Variants in GMDS observed in about 807,000 individuals in gnomAD.
GMDS encodes the protein GDP-mannose 4,6 dehydratase.
A neutral mutation model predicts 49.9 loss-of-function variants in GMDS; 20 were observed. The ratio of observed to expected loss-of-function variants is 0.40; its 90% CI spans 0.28 to 0.58. GMDS has a LOEUF of 0.58. GMDS is among the 20% of genes least tolerant of loss of function. The pLI, the probability that GMDS is intolerant of heterozygous loss-of-function variation, is 0.42. For missense variants in GMDS, 362 were observed against 481.4 expected (o/e 0.75, Z 2.32); for synonymous variants, 177 against 178.6 (o/e 0.99, Z 0.07).
chr6:1,649,008 A>G (rs997831379), intron 9 of GMDS, among the ~76,000 whole-genome samples: 3 of 152,238 alleles, frequency 2.0e-5, no homozygotes, highest in Non-Finnish European at 4.4e-5. Context: ...ATTCACATTT[A>G]CACACATATA....
intron 1 of GMDS, among the ~76,000 whole-genome samples, chr6:2,237,584 T>C (rs537933231): frequency 7.7e-4 from 116 of 150,010 alleles, no homozygotes; most frequent in African/African-American, 2.8e-3. Flanking sequence ...TACAGTGGTA[T>C]GATCTCGGCT....
At chr6:2,089,171 T>C (rs996425328) in intron 4 of GMDS, among the ~76,000 whole-genome samples, 1 of 152,210 alleles carries the variant, frequency 6.6e-6, no homozygotes, top group Non-Finnish European at 1.5e-5. Context: ...CAGCTTCCAA[T>C]ACTTTTTAGT....
At chr6:1,988,276 T>C (rs563814930) in intron 4 of GMDS, among the ~76,000 whole-genome samples, 2 of 152,266 alleles carry the variant, frequency 1.3e-5, no homozygotes, top group African/African-American at 4.8e-5. Context: ...TATTTTCTCT[T>C]AGATACAATA....
chr6:1,813,236 A>C (rs924884654), intron 7 of GMDS, among the ~76,000 whole-genome samples: 3 of 151,240 alleles, frequency 2.0e-5, no homozygotes, highest in African/African-American at 7.3e-5. Flanking sequence ...AAAAAAAAAA[A>C]AAAAAAAAAA....
At chr6:1,786,421 C>T (rs554825607) in intron 7 of GMDS, among the ~76,000 whole-genome samples, 2 of 152,086 alleles carry the variant, frequency 1.3e-5, no homozygotes, top group Non-Finnish European at 2.9e-5. Flanking sequence ...AGTGGGACTC[C>T]AGTCTCTGGG....
At chr6:1,974,190 C>G (rs1764770282) in intron 4 of GMDS, among the ~76,000 whole-genome samples, 2 of 150,876 alleles carry the variant, frequency 1.3e-5, no homozygotes, top group South Asian at 2.1e-4. Flanking sequence ...TGTAAAAGAG[C>G]CTTTTTAAAA....
Position 2,011,795 on chromosome 6 carries a change from T to G in GMDS, c.346-50829A>C, listed in dbSNP as rs143727554. Among the ~76,000 whole-genome samples, 988 of 152,264 alleles carry G rather than the reference T, an allele frequency of 6.5e-3. 11 individuals carry two copies. The highest frequency in any genetic ancestry group is 0.023 in the African/African-American group (945 of 41,570). ...AAATTAGCTAAGCGTGGTCGCGCAT[T>G]ACCTATAGTCCTGGCTACGTGGGAG... On this transcript the variant is annotated intron_variant, in intron 4 of 10. Coordinates refer to ENST00000380815, the MANE Select transcript of GMDS (RefSeq NM_001500.4).
chr6:2,039,962 T>G (rs1172269042), intron 4 of GMDS, among the ~76,000 whole-genome samples: 1 of 152,252 alleles, frequency 6.6e-6, no homozygotes, highest in African/African-American at 2.4e-5. Flanking sequence ...TAGGTTTGTT[T>G]ACACCAGCGT....
At chr6:1,674,921 CATTGTTTTAA>C (rs1764566699) in intron 9 of GMDS, among the ~76,000 whole-genome samples, 3 of 151,666 alleles carry the variant, frequency 2.0e-5, no homozygotes. Context: ...ATGTAAATTA[CATTGTTTTAA>C]ATTTCTTTCT....
chr6:1,876,170 C>T (rs1414148445), intron 7 of GMDS, among the ~76,000 whole-genome samples: 32 of 150,160 alleles, frequency 2.1e-4, no homozygotes, highest in Admixed American at 2.1e-3. Flanking sequence ...AGGCAGGAGA[C>T]TCGCTTGAAC....
intron 4 of GMDS, among the ~76,000 whole-genome samples, chr6:1,998,366 G>A (rs1032563008): frequency 1.3e-5 from 2 of 151,980 alleles, no homozygotes; most frequent in Admixed American, 6.6e-5. Flanking sequence ...AAGTCACTAT[G>A]AGCTCCCTAG....
chr6:2,242,032 A>G (rs1781638418), intron 1 of GMDS, among the ~76,000 whole-genome samples: 1 of 152,260 alleles, frequency 6.6e-6, no homozygotes, highest in Non-Finnish European at 1.5e-5. Context: ...TCTATCTTAA[A>G]GTAGTTCATA....
chr6:2,224,037 T>C (rs149399271), intron 1 of GMDS, among the ~76,000 whole-genome samples: 127 of 152,210 alleles, frequency 8.3e-4, no homozygotes, highest in African/African-American at 3.0e-3. Flanking sequence ...AAAGTGACAG[T>C]GATAACACAC....
chr6:1,889,699 C>T (rs769186814), intron 7 of GMDS, among the ~76,000 whole-genome samples: 5 of 152,174 alleles, frequency 3.3e-5, no homozygotes, highest in Non-Finnish European at 5.9e-5. Flanking sequence ...GTCACACAAC[C>T]ATTACCACGA....
chr6:1,685,219 AG>A (rs1444556898), intron 9 of GMDS, among the ~76,000 whole-genome samples: 4 of 32,256 alleles, frequency 1.2e-4, no homozygotes, highest in Admixed American at 3.6e-4. Flanking sequence ...CAACATGGTG[AG>A]ACCCCCGTCT....
intron 4 of GMDS, among the ~76,000 whole-genome samples, chr6:2,038,712 C>T (rs879278851): frequency 6.6e-6 from 1 of 152,038 alleles, no homozygotes; most frequent in Non-Finnish European, 1.5e-5. Context: ...GTAACATAAG[C>T]ACATAAATTT....
chr6:1,780,743 A>G (rs951605204), intron 7 of GMDS, among the ~76,000 whole-genome samples: 4 of 152,242 alleles, frequency 2.6e-5, no homozygotes, highest in Non-Finnish European at 4.4e-5. Context: ...CGCTCACGCC[A>G]TCACAGGAGT....
At chr6:2,004,427 C>G (rs949068485) in intron 4 of GMDS, among the ~76,000 whole-genome samples, 1 of 152,042 alleles carries the variant, frequency 6.6e-6, no homozygotes, top group Non-Finnish European at 1.5e-5. Context: ...TAAAATGTAG[C>G]CATTTTTTGA....
chr6:1,906,731 G>A (rs750388990), intron 7 of GMDS, among the ~76,000 whole-genome samples: 1 of 152,160 alleles, frequency 6.6e-6, no homozygotes, highest in Non-Finnish European at 1.5e-5. Flanking sequence ...TGTGCTAGAG[G>A]GCAGGGAGGG....
Sources: gnomAD v4.1 joint callset for allele counts (sites outside exome capture counted in the v4.1 genomes callset) on GRCh38, gnomAD v4.1.1 for gene constraint, MANE v1.5 for transcripts, NCBI Gene and HGNC (gene_info 2026-07-23, HGNC 2026-07-21) for gene names.